Variants in DGKH observed in about 807,000 individuals in gnomAD.
The protein encoded by DGKH is DAG kinase eta.
A neutral mutation model predicts 159.3 loss-of-function variants in DGKH; 90 were observed. The ratio of observed to expected loss-of-function variants is 0.57; its 90% CI spans 0.48 to 0.67. The LOEUF is 0.67. Ranked by LOEUF, DGKH falls within the 30% of genes least tolerant of loss-of-function variation. The pLI is 0.00. For missense variants in DGKH, 1,181 were observed against 1,506.1 expected, an observed-to-expected ratio of 0.78 and a Z score of 3.57; for synonymous variants, 536 against 553.8, an observed-to-expected ratio of 0.97 and a Z score of 0.45.
intron 1 of DGKH, among the ~76,000 whole-genome samples, chr13:42,096,144 C>A (rs529085058): frequency 6.6e-6 from 1 of 151,902 alleles, no homozygotes; most frequent in Admixed American, 6.6e-5. Context: ...AGGTTTGTTA[C>A]CCGGGTATAT....
intron 1 of DGKH, among the ~76,000 whole-genome samples, chr13:42,092,833 C>T (rs1954446376): frequency 6.6e-6 from 1 of 152,004 alleles, no homozygotes; most frequent in Non-Finnish European, 1.5e-5. Context: ...ACATTGTATA[C>T]AAGTATCAAA....
At chr13:42,209,185 G>A in intron 22 of DGKH, 113 bp downstream of exon 22, 2 of 1,358,866 alleles carry the variant, frequency 1.5e-6, no homozygotes, top group Non-Finnish European at 2.0e-6. Context: ...TGACTTTGTT[G>A]TCATATCAGT....
At chr13:42,067,063 G>T (rs2137682246) in intron 1 of DGKH, among the ~76,000 whole-genome samples, 1 of 152,110 alleles carries the variant, frequency 6.6e-6, no homozygotes, top group East Asian at 1.9e-4. Flanking sequence ...CACATAAAAT[G>T]AAATTATATG....
chr13:42,256,051 G>T (rs369163422), intron 30 of DGKH: 1 of 1,412,374 alleles, frequency 7.1e-7, no homozygotes, highest in Admixed American at 1.7e-5. Context: ...CTGGCCCTTG[G>T]TCAGGTCTGG....
rs1161219663 is a variant in DGKH at position 42,239,686 on chromosome 13, A to G, written c.*10498A>G. ...TTTTTTTCCAGCAACTAGTTTTTCT[A>G]CTTTCACTCTTTCCCACCAGAGTGG... is the stretch of plus-strand genomic sequence containing the variant. On this transcript the variant is annotated 3_prime_UTR_variant, in exon 30 of 30. Coordinates refer to ENST00000337343, the MANE Select transcript of DGKH (RefSeq NM_178009.5). The G allele has an allele frequency of 6.6e-6, 1 of 151,836 alleles. No homozygotes were observed. The highest frequency in any genetic ancestry group is 2.4e-5 in the African/African-American group (1 of 41,164). The allele number at this position is 151,836 out of a possible 1,614,324, so 9.4% of individuals were successfully genotyped here.
chr13:42,041,090 C>T (rs967601266), intron 1 of DGKH, among the ~76,000 whole-genome samples: 2 of 152,138 alleles, frequency 1.3e-5, no homozygotes, highest in Non-Finnish European at 2.9e-5. Flanking sequence ...GGCTCCTCCT[C>T]GCGCGCCGCC....
At chr13:42,044,519 G>A (rs1217777508), upstream of DGKH, among the ~76,000 whole-genome samples, 1 of 152,132 alleles carries the variant, frequency 6.6e-6, no homozygotes, top group Non-Finnish European at 1.5e-5. Context: ...TCGATCTCCT[G>A]ACCTCGTGAT....
intron 9 of DGKH, 108 bp downstream of exon 9, chr13:42,166,782 C>A: frequency 1.0e-6 from 1 of 956,728 alleles, no homozygotes; most frequent in Non-Finnish European, 1.4e-6. Flanking sequence ...ATCCCTCCCT[C>A]GTTTTTAAAG....
intron 24 of DGKH, among the ~76,000 whole-genome samples, chr13:42,213,280 G>C (rs1195138237): frequency 6.6e-6 from 1 of 152,178 alleles, no homozygotes; most frequent in East Asian, 1.9e-4. Flanking sequence ...TTAGGAAACA[G>C]GTTGACCTTA....
At position 42,209,100 on chromosome 13, in the gene DGKH, C is replaced by T. The variant is rs760209180; in HGVS notation, c.2715+28C>T. 3 of 1,583,846 alleles carry T rather than the reference C, an allele frequency of 1.9e-6. No homozygotes were observed. The Admixed American group carries it at 5.1e-5, about 27-fold the overall frequency. On this transcript the variant is annotated intron_variant, in intron 22 of 29. Transcript: ENST00000337343. Reference sequence around the variant, plus strand: ...TGGTTTCTCTCGTCAAACCTGACTGCACTTCTTGGGCTAAGGAGGGTTGAA... The same window carrying T: ...TGGTTTCTCTCGTCAAACCTGACTGTACTTCTTGGGCTAAGGAGGGTTGAA...
chr13:42,233,008 G>T lies in DGKH; in HGVS notation c.*3820G>T, dbSNP rs1484230674. 2.0e-5 allele frequency: 3 copies of T among 152,270 alleles called. No individual in the cohort carries two copies. The highest frequency in any genetic ancestry group is 7.2e-5 in the African/African-American group (3 of 41,454). 9.4% of individuals were successfully genotyped at this position (152,270 alleles called of 1,614,324 possible). ...TAGCTAGGCATGGTGGCATGCGCCT[G>T]TAGTCCCAGCTATTCTGAAGGCTGA... On this transcript the variant is annotated 3_prime_UTR_variant, in exon 30 of 30. Coordinates refer to ENST00000337343, the MANE Select transcript of DGKH (RefSeq NM_178009.5).
intron 29 of DGKH, among the ~76,000 whole-genome samples, chr13:42,223,911 CT>C (rs1458788310): frequency 6.6e-6 from 1 of 152,118 alleles, no homozygotes; most frequent in Non-Finnish European, 1.5e-5. Flanking sequence ...TCCCTTACCC[CT>C]CCAAGTCTCC....
intron 3 of DGKH, among the ~76,000 whole-genome samples, chr13:42,136,890 T>G (rs6561037): frequency 0.36 from 55,276 of 152,014 alleles, 10,966 homozygotes; most frequent in South Asian, 0.45. Context: ...ATTAGATTAT[T>G]ATTCTTTCTA....
intron 1 of DGKH, among the ~76,000 whole-genome samples, chr13:42,087,746 ATT>A (rs56389215): frequency 7.0e-5 from 10 of 142,374 alleles, no homozygotes; most frequent in Non-Finnish European, 9.2e-5. Context: ...TGCACTGCTC[ATT>A]TTTTTTTTTT....
intron 1 of DGKH, among the ~76,000 whole-genome samples, chr13:42,080,998 C>T (rs935439876): frequency 5.3e-5 from 8 of 152,108 alleles, no homozygotes; most frequent in Non-Finnish European, 8.8e-5. Context: ...CAGAGCCTGA[C>T]TCCTAATTTT....
At chr13:42,093,493 G>A (rs755962422) in intron 1 of DGKH, among the ~76,000 whole-genome samples, 5 of 152,126 alleles carry the variant, frequency 3.3e-5, no homozygotes, top group Admixed American at 6.6e-5. Flanking sequence ...ATGATCCAGC[G>A]ATTTCACTTC....
Position 42,057,195 on chromosome 13 carries a change from AT to A in DGKH, c.192+8235del, listed in dbSNP as rs1036359785. ...TTTCACTTCTATAAGGTAAGATGCCATTTTTGAAAGGTCATGGTATAGTGTT... is the reference window on the plus strand; with the variant it reads ...TTTCACTTCTATAAGGTAAGATGCCATTTTGAAAGGTCATGGTATAGTGTT... On this transcript the variant is annotated intron_variant, in intron 1 of 29. Coordinates refer to ENST00000337343, the MANE Select transcript of DGKH (RefSeq NM_178009.5). Among the ~76,000 whole-genome samples the A allele has an allele frequency of 7.2e-5, 11 of 152,296 alleles. No individual in the cohort carries two copies. In the South Asian group the frequency reaches 1.4e-3, roughly 20 times the overall value.
chr13:42,146,848 T>C (rs372056461), intron 3 of DGKH, among the ~76,000 whole-genome samples: 1 of 152,230 alleles, frequency 6.6e-6, no homozygotes, highest in African/African-American at 2.4e-5. Context: ...GAGGGATATG[T>C]GCTTTTCATT....
intron 1 of DGKH, among the ~76,000 whole-genome samples, chr13:42,059,132 A>G (rs561860431): frequency 1.3e-5 from 2 of 152,250 alleles, no homozygotes; most frequent in Non-Finnish European, 2.9e-5. Flanking sequence ...TAATTATTAT[A>G]ATTATTTTAA....
Sources: allele counts gnomAD v4.1 joint callset (sites outside exome capture counted in the v4.1 genomes callset), GRCh38; gene constraint gnomAD v4.1.1; transcripts MANE v1.5; gene names NCBI Gene and HGNC (gene_info 2026-07-23, HGNC 2026-07-21).